Variants in VRK3 observed in about 807,000 individuals in gnomAD.
VRK3 encodes serine/threonine-protein kinase VRK3.
Under a neutral mutation model 60.4 loss-of-function variants are expected in VRK3, and 50 were observed. That is an observed-to-expected ratio of 0.83 (90% confidence interval 0.66 to 1.05). VRK3 has a LOEUF of 1.05. Among genes scored for constraint, VRK3 ranks in the 50% least tolerant of loss-of-function variants. The probability of loss-of-function intolerance (pLI) is 0.00; values close to 1 mark genes in which losing one functional copy is unlikely to be tolerated. For missense variants in VRK3, 549 were observed against 585.3 expected (o/e 0.94, Z 0.64); for synonymous variants, 246 against 227.8 (o/e 1.08, Z -0.72).
intron 5 of VRK3, among the ~76,000 whole-genome samples, chr19:50,005,876 G>C (rs921051139): frequency 1.3e-5 from 2 of 149,690 alleles, no homozygotes; most frequent in African/African-American, 5.1e-5. Flanking sequence ...GGAAGAATCA[G>C]AGTGATGGCT....
intron 12 of VRK3, among the ~76,000 whole-genome samples, chr19:49,984,766 G>A (rs943493185): frequency 1.3e-5 from 2 of 152,070 alleles, no homozygotes; most frequent in African/African-American, 4.8e-5. Flanking sequence ...TGAGTAGCTG[G>A]GACTACAGTC....
intron 9 of VRK3, among the ~76,000 whole-genome samples, chr19:49,994,136 G>A (rs891447499): frequency 6.6e-6 from 1 of 152,172 alleles, no homozygotes; most frequent in Non-Finnish European, 1.5e-5. Flanking sequence ...GACTCAGCAT[G>A]TCGCTCCCTT....
rs1472789772 is a variant in VRK3 at position 49,992,927 on chromosome 19, T to C, written c.896A>G (p.Glu299Gly). ...CACATTTCCATGAACATACTCATTC[T>C]CATGGAGGAACTCCAGGGCATCCAG... ...RLLDALEFLH[E>G]NEYVHGNVTA... Residue 299 changes from glutamate (E) to glycine (G), a missense_variant, in exon 10 of 15, where the codon GAG becomes GGG. Physicochemically the swap from Glu to Gly is moderately conservative, Grantham distance 98. Transcript: ENST00000316763. The C allele has an allele frequency of 6.2e-7, 1 of 1,613,354 alleles. No homozygotes were observed. The highest frequency in any genetic ancestry group is 1.1e-5 in the South Asian group (1 of 91,088).
rs576162861 is a variant in VRK3, at chr19:49,976,603, A to G, written c.*193T>C. 1 of 152,704 alleles carries G rather than the reference A, an allele frequency of 6.5e-6. No homozygotes were observed. The highest frequency in any genetic ancestry group is 1.5e-5 in the Non-Finnish European group (1 of 68,080). The allele number at this position is 152,704 out of a possible 1,614,324, so 9.5% of individuals were successfully genotyped here. On this transcript the variant is annotated 3_prime_UTR_variant, in exon 15 of 15. Coordinates refer to ENST00000316763, the MANE Select transcript of VRK3 (RefSeq NM_016440.4). ...AGGCCACCAAGATGGGGAACTTCAC[A>G]TTCACGGGAGGGAAACTGGGGCCCT...
intron 10 of VRK3, among the ~76,000 whole-genome samples, 180 bp from the exon 11 acceptor site, chr19:49,989,951 A>G (rs1182854176): frequency 9.2e-5 from 14 of 152,188 alleles, no homozygotes; most frequent in Admixed American, 7.9e-4. Context: ...CCAGCCATCC[A>G]TATTTCCTCC....
intron 5 of VRK3, among the ~76,000 whole-genome samples, chr19:50,006,324 T>A (rs1414552724): frequency 2.0e-5 from 3 of 150,844 alleles, no homozygotes; most frequent in Non-Finnish European, 2.9e-5. Context: ...AAATAAAAAA[T>A]AATAAATAAT....
chr19:50,009,093 G>T, intron 4 of VRK3, 143 bp downstream of exon 4: 1 of 996,582 alleles, frequency 1.0e-6, no homozygotes, highest in Non-Finnish European at 1.5e-6. Context: ...GGAGATGGGA[G>T]GCTGGGGAAG....
At chr19:49,978,808 C>T (rs1449097685) in intron 14 of VRK3, 1 of 326,016 alleles carries the variant, frequency 3.1e-6, no homozygotes, top group Non-Finnish European at 5.6e-6. Context: ...GGCCCTGAAT[C>T]CCGTTGTGCC....
chr19:49,987,177 C>T (rs954414785), intron 12 of VRK3, among the ~76,000 whole-genome samples: 1 of 152,182 alleles, frequency 6.6e-6, no homozygotes, highest in African/African-American at 2.4e-5. Flanking sequence ...CCGGCCTGGG[C>T]AACTGATATT....
intron 10 of VRK3, among the ~76,000 whole-genome samples, chr19:49,991,057 T>G (rs1051009650): frequency 6.6e-6 from 1 of 152,168 alleles, no homozygotes; most frequent in South Asian, 2.1e-4. Context: ...CCTCCTAAAC[T>G]GCTGGAATTA....
intron 9 of VRK3, 71 bp from the exon 10 acceptor site, chr19:49,993,023 G>T: frequency 9.1e-7 from 1 of 1,098,726 alleles, no homozygotes; most frequent in South Asian, 1.3e-5. Context: ...GTGCAGACCA[G>T]GAGGGAGCCC....
At chr19:49,981,660 C>A in intron 12 of VRK3, 1 of 978,780 alleles carries the variant, frequency 1.0e-6, no homozygotes, top group Non-Finnish European at 1.2e-6. Flanking sequence ...ATCTGTGATC[C>A]TTAAGACGGA....
At chr19:49,993,093 G>A (rs2076640029) in intron 9 of VRK3, 141 bp from the exon 10 acceptor site, 2 of 676,684 alleles carry the variant, frequency 3.0e-6, no homozygotes, top group Non-Finnish European at 2.5e-6. Flanking sequence ...GACTAAATCC[G>A]GGGTAGCATG....
At chr19:50,024,625 T>C (rs2077233744) in intron 1 of VRK3, among the ~76,000 whole-genome samples, 1 of 152,322 alleles carries the variant, frequency 6.6e-6, no homozygotes, top group Non-Finnish European at 1.5e-5. Flanking sequence ...ACAGTGCCTA[T>C]TAGACTAGCA....
At position 50,016,122 on chromosome 19, in the gene VRK3, G is replaced by A. The variant is rs1167466929; in HGVS notation, c.41C>T (p.Ala14Val). 9 of 1,614,078 alleles carry A rather than the reference G, an allele frequency of 5.6e-6. No homozygotes were observed. Among genetic ancestry groups the A allele is most frequent in the South Asian group, 5.5e-5 (5 of 91,088 alleles). The change falls in exon 3 of 15, where the codon GCG (alanine) becomes GTG (valine). Residue 14 changes from alanine to valine, a missense_variant. By Grantham distance (64) the Ala-to-Val change is moderately conservative. Coordinates refer to ENST00000316763, the MANE Select transcript of VRK3 (RefSeq NM_016440.4). Reference sequence around the variant, plus strand: ...ACAGTAGGGGCAGAATTTGAATGCCGCTTGGATACTTTTGCCACAGTCTGG... The same window carrying A: ...ACAGTAGGGGCAGAATTTGAATGCCACTTGGATACTTTTGCCACAGTCTGG... ...FCPDCGKSIQ[A>V]AFKFCPYCGN...
At chr19:50,024,601 T>C (rs1320312065) in intron 1 of VRK3, among the ~76,000 whole-genome samples, 1 of 152,218 alleles carries the variant, frequency 6.6e-6, no homozygotes, top group Non-Finnish European at 1.5e-5. Flanking sequence ...ACTGCTATAA[T>C]AACCTGGGCT....
chr19:49,995,306 C>A, intron 7 of VRK3, 31 bp from the exon 8 acceptor site: 1 of 1,600,202 alleles, frequency 6.2e-7, no homozygotes, highest in Non-Finnish European at 8.6e-7. Flanking sequence ...AGGTTAGAAC[C>A]CACCCAGTCC....
intron 12 of VRK3, 61 bp downstream of exon 12, chr19:49,988,311 C>T (rs1428875366): frequency 1.3e-6 from 2 of 1,573,198 alleles, no homozygotes; most frequent in Non-Finnish European, 1.7e-6. Context: ...CTCTGGGCTT[C>T]TGTCCACCTG....
rs551431728 is a variant in VRK3 at position 49,981,035 on chromosome 19, T to C, written c.1218-22A>G. On this transcript the variant is annotated intron_variant, in intron 12 of 14. Transcript: ENST00000316763. ...AAACCTGAAGGGACAGAAACACATG[T>C]GAAAGGTCTCTTAGGGAAAGGAGAG... The C allele has an allele frequency of 1.5e-3, 2,454 of 1,610,536 alleles. 54 individuals are homozygous for C. The South Asian group carries it at 0.026, about 17-fold the overall frequency.
Sources: allele counts gnomAD v4.1 joint callset (sites outside exome capture counted in the v4.1 genomes callset), GRCh38; gene constraint gnomAD v4.1.1; transcripts MANE v1.5; gene names NCBI Gene and HGNC (gene_info 2026-07-23, HGNC 2026-07-21).